Variants in CACNA2D2 observed in about 807,000 individuals in gnomAD.
CACNA2D2 encodes calcium voltage-gated channel auxiliary subunit alpha2delta 2, also known as voltage-dependent calcium channel subunit alpha-2/delta-2.
CACNA2D2 carries 48 observed loss-of-function variants against 166.4 expected under a neutral mutation model. The observed-to-expected ratio is 0.29, with a 90% CI of 0.23 to 0.37. The LOEUF (loss-of-function observed/expected upper bound fraction) is 0.37, where lower values mean the gene tolerates loss of function less well. Ranked by LOEUF, CACNA2D2 falls within the 10% of genes least tolerant of loss-of-function variation. The pLI is 1.00. For missense variants in CACNA2D2, 1,122 were observed against 1,433.0 expected (o/e 0.78, Z 3.50); for synonymous variants, 561 against 573.7 (o/e 0.98, Z 0.32).
At position 50,364,811 on chromosome 3, in the gene CACNA2D2, G is replaced by C. The variant is rs762928595; in HGVS notation, c.3292-5C>G. Reference sequence around the variant, plus strand: ...GCCACAGTCTGAGGTATCTTCCTGCGGGGAGAGACAAGGAGCTGGTCGGCC... The same window carrying C: ...GCCACAGTCTGAGGTATCTTCCTGCCGGGAGAGACAAGGAGCTGGTCGGCC... On this transcript the variant is annotated splice_polypyrimidine_tract_variant and splice_region_variant and intron_variant, in intron 37 of 37. Transcript: ENST00000424201. The C allele has an allele frequency of 6.2e-7, 1 of 1,612,294 alleles. No individual in the cohort carries two copies.
chr3:50,462,387 AAAT>A (rs55797246), intron 2 of CACNA2D2, among the ~76,000 whole-genome samples: 31,641 of 137,432 alleles, frequency 0.23, 3,987 homozygotes, highest in East Asian at 0.54. Context: ...GACTGTCTCA[AAAT>A]AATAATAATA....
intron 5 of CACNA2D2, among the ~76,000 whole-genome samples, chr3:50,386,721 A>G (rs587775338): frequency 6.6e-5 from 10 of 152,286 alleles, no homozygotes; most frequent in African/African-American, 2.2e-4. Context: ...CCGCAGGCCT[A>G]AGAGAGGAAG....
intron 1 of CACNA2D2, among the ~76,000 whole-genome samples, chr3:50,483,771 G>A (rs759124199): frequency 2.0e-5 from 3 of 152,178 alleles, no homozygotes; most frequent in African/African-American, 7.2e-5. Context: ...ACCATTTAGG[G>A]ATCCATATCT....
chr3:50,459,067 C>T (rs1709488104), intron 2 of CACNA2D2, among the ~76,000 whole-genome samples: 1 of 152,254 alleles, frequency 6.6e-6, no homozygotes, highest in African/African-American at 2.4e-5. Context: ...TTTCTTCATC[C>T]CATTCCCTCT....
chr3:50,391,895 G>A (rs540933191), intron 4 of CACNA2D2, among the ~76,000 whole-genome samples: 2 of 152,314 alleles, frequency 1.3e-5, no homozygotes, highest in East Asian at 1.9e-4. Context: ...GAAGACTGCT[G>A]CTGGTCACGC....
In CACNA2D2 at chr3:50,366,673, C is replaced by A. The variant is rs1704314241; in HGVS notation, c.2590-48G>T. 1 of 1,608,406 alleles carries A rather than the reference C, an allele frequency of 6.2e-7. No individual in the cohort carries two copies. Among genetic ancestry groups the A allele is most frequent in the African/African-American group, 1.3e-5 (1 of 74,842 alleles). On this transcript the variant is annotated intron_variant, in intron 29 of 37. Coordinates refer to ENST00000424201, the MANE Select transcript of CACNA2D2 (RefSeq NM_006030.4). The surrounding 1 kb of genome is among the most constrained non-coding windows in gnomAD (Gnocchi z 5.9). ...CGTAAGCCACCCACCAGTTTTCCTC[C>A]CTCCCATCACCTTTCATACATCCGG... is the stretch of plus-strand genomic sequence containing the variant.
intron 1 of CACNA2D2, among the ~76,000 whole-genome samples, chr3:50,489,402 G>C (rs1215702727): frequency 6.6e-6 from 1 of 152,204 alleles, no homozygotes; most frequent in African/African-American, 2.4e-5. Context: ...TAAATCACTA[G>C]GCTTAATGGC....
chr3:50,377,600 C>T, intron 16 of CACNA2D2, 59 bp from the exon 17 acceptor site: 1 of 1,582,558 alleles, frequency 6.3e-7, no homozygotes, highest in Non-Finnish European at 8.7e-7. Context: ...GAACCACCCT[C>T]CACAAGGCCT....
chr3:50,501,962 T>C (rs906478031), intron 1 of CACNA2D2, among the ~76,000 whole-genome samples: 9 of 152,152 alleles, frequency 5.9e-5, no homozygotes, highest in African/African-American at 2.2e-4. Flanking sequence ...ACTGATCACC[T>C]GCCTGAGCAC....
chr3:50,488,904 G>C (rs1032671243), intron 1 of CACNA2D2, among the ~76,000 whole-genome samples: 1 of 152,000 alleles, frequency 6.6e-6, no homozygotes, highest in African/African-American at 2.4e-5. Flanking sequence ...GTTTCACCCT[G>C]TTTGCCAGGA....
In CACNA2D2 at chr3:50,367,628, G is replaced by A. The variant is rs1412149153; in HGVS notation, c.2297+14C>T. The A allele has an allele frequency of 6.2e-7, 1 of 1,611,230 alleles. No individual in the cohort carries two copies. Among genetic ancestry groups the A allele is most frequent in the Non-Finnish European group, 8.5e-7 (1 of 1,177,900 alleles). The stretch of plus-strand genomic sequence containing the variant: ...GGCAGGGGCAGGGTTTGGGTAGTGG[G>A]ATAGGTCACTTACTTGTTGGGGAAG... On this transcript the variant is annotated intron_variant, in intron 26 of 37. Transcript: ENST00000424201. This position sits in a 1 kb window ranked among gnomAD's most constrained non-coding sequence, Gnocchi z 6.5.
chr3:50,381,171 T>A lies in CACNA2D2; in HGVS notation c.653-45A>T, dbSNP rs367853985. 148 of 1,608,386 alleles carry A rather than the reference T, an allele frequency of 9.2e-5. No individual in the cohort carries two copies. The African/African-American group carries it at 1.5e-3, about 16-fold the overall frequency. On this transcript the variant is annotated intron_variant, in intron 6 of 37. Transcript: ENST00000424201. Reference sequence around the variant, plus strand: ...TGGGGTGGGGAGCACCTGGGCTGTGTCCTGTCGAACCCACCACCACGACAC... The same window carrying A: ...TGGGGTGGGGAGCACCTGGGCTGTGACCTGTCGAACCCACCACCACGACAC...
chr3:50,433,229 A>T (rs892564073), intron 3 of CACNA2D2, among the ~76,000 whole-genome samples: 1 of 152,184 alleles, frequency 6.6e-6, no homozygotes, highest in Non-Finnish European at 1.5e-5. Context: ...TATTCTGGAC[A>T]TTTCATAGAA....
At chr3:50,387,439 G>T in intron 5 of CACNA2D2, 129 bp downstream of exon 5, 1 of 780,180 alleles carries the variant, frequency 1.3e-6, no homozygotes. Context: ...GAGGTGGAAG[G>T]TGGGGCCTGT....
intron 3 of CACNA2D2, among the ~76,000 whole-genome samples, chr3:50,404,253 G>A (rs2106772428): frequency 6.6e-6 from 1 of 152,326 alleles, no homozygotes; most frequent in Non-Finnish European, 1.5e-5. Context: ...GCCTCACTGT[G>A]TTCTCCACGA....
intron 2 of CACNA2D2, among the ~76,000 whole-genome samples, chr3:50,468,379 T>TTGTGTGTGTGTGTGTGTG (rs1559978358): frequency 2.9e-5 from 2 of 68,856 alleles, no homozygotes; most frequent in African/African-American, 9.7e-5. Context: ...TTCATCAGAA[T>TTGTGTGTGTGTGTGTGTG]AGTGTGTGTG....
chr3:50,492,896 G>T (rs896755301), intron 1 of CACNA2D2, among the ~76,000 whole-genome samples: 6 of 152,170 alleles, frequency 3.9e-5, no homozygotes, highest in Middle Eastern at 3.4e-3. Flanking sequence ...AGCACTAGGG[G>T]GAATCCTGCC....
chr3:50,435,171 C>T (rs182440900), intron 2 of CACNA2D2, among the ~76,000 whole-genome samples: 54 of 151,030 alleles, frequency 3.6e-4, no homozygotes, highest in Middle Eastern at 3.4e-3. Flanking sequence ...TCAACATATC[C>T]GTTTGTGTGC....
intron 2 of CACNA2D2, among the ~76,000 whole-genome samples, chr3:50,446,476 T>C (rs1435774001): frequency 6.6e-6 from 1 of 152,150 alleles, no homozygotes; most frequent in African/African-American, 2.4e-5. Context: ...CCAGCAGCTG[T>C]CTCCAGCCTG....
Sources: allele counts gnomAD v4.1 joint callset (sites outside exome capture counted in the v4.1 genomes callset), GRCh38; gene constraint gnomAD v4.1.1; non-coding constraint Gnocchi (gnomAD v3.1); transcripts MANE v1.5; gene names NCBI Gene and HGNC (gene_info 2026-07-23, HGNC 2026-07-21).